STPG2: variants seen among roughly 807,000 people sequenced by gnomAD.
STPG2 encodes the protein sperm-tail PG-rich repeat-containing protein 2.
STPG2 carries 56 observed loss-of-function variants against 54.2 expected under a neutral mutation model. That is an observed-to-expected ratio of 1.03 (90% CI 0.83 to 1.29). STPG2 has a LOEUF of 1.29. STPG2 is among the 50% of genes most tolerant of loss of function. The probability of loss-of-function intolerance (pLI) is 0.00; values close to 1 mark genes in which losing one functional copy is unlikely to be tolerated. For missense variants in STPG2, 596 were observed against 544.9 expected (o/e 1.09, Z -0.93); for synonymous variants, 200 against 181.8 (o/e 1.10, Z -0.81).
chr4:97,876,132 G>T (rs575689860), intron 8 of STPG2, among the ~76,000 whole-genome samples: 1 of 152,106 alleles, frequency 6.6e-6, no homozygotes, highest in Non-Finnish European at 1.5e-5. Context: ...ATGCTAAAAA[G>T]TCTGTCTTCC....
intron 9 of STPG2, among the ~76,000 whole-genome samples, chr4:97,733,881 G>C (rs1408625100): frequency 2.0e-5 from 3 of 152,164 alleles, no homozygotes; most frequent in Non-Finnish European, 4.4e-5. Flanking sequence ...CTCTCAGTGG[G>C]AGAGGCAGTT....
chr4:97,500,803 T>G lies in STPG2; in HGVS notation c.462+211896A>C, dbSNP rs572412778. Among the ~76,000 whole-genome samples, 203 of 152,136 alleles carry G rather than the reference T, an allele frequency of 1.3e-3. 1 individual carries two copies. The highest frequency in any genetic ancestry group is 4.7e-3 in the African/African-American group (195 of 41,548). On this transcript the variant is annotated intron_variant, in intron 4 of 4. Coordinates refer to the STPG2 transcript ENST00000522676. ...GCCACACGGTGATTACTGTTGGCCA[T>G]GACAAGAGTGGTTTCTATGTAACGT... is the stretch of plus-strand genomic sequence containing the variant.
At chr4:97,590,638 G>GACACACACACACACACACAC (rs5860506) in intron 10 of STPG2, among the ~76,000 whole-genome samples, 2 of 138,620 alleles carry the variant, frequency 1.4e-5, no homozygotes, top group East Asian at 4.4e-4. Flanking sequence ...CAGACACACA[G>GACACACACACACACACACAC]ACACACACAC....
At chr4:97,880,920 CTTTG>C (rs1730345630) in intron 8 of STPG2, among the ~76,000 whole-genome samples, 1 of 151,894 alleles carries the variant, frequency 6.6e-6, no homozygotes, top group South Asian at 2.1e-4. Flanking sequence ...TTCAAATATT[CTTTG>C]TTATTGCTGC....
intron 8 of STPG2, among the ~76,000 whole-genome samples, chr4:97,857,713 C>T (rs1173962250): frequency 6.6e-6 from 1 of 151,606 alleles, no homozygotes; most frequent in Non-Finnish European, 1.5e-5. Context: ...AGAGACCAAT[C>T]CCGGAAAAAC....
At chr4:97,990,942 G>A (rs1050035209) in intron 5 of STPG2, among the ~76,000 whole-genome samples, 2 of 151,902 alleles carry the variant, frequency 1.3e-5, no homozygotes, top group Non-Finnish European at 2.9e-5. Context: ...TAGGTTTTTG[G>A]GAAACAGATG....
chr4:97,660,562 T>G (rs1051756475), intron 10 of STPG2, among the ~76,000 whole-genome samples: 1 of 152,246 alleles, frequency 6.6e-6, no homozygotes, highest in Non-Finnish European at 1.5e-5. Context: ...AACTCTTTAC[T>G]GAAATATGAC....
At chr4:97,970,026 G>A (rs1734266724) in intron 7 of STPG2, among the ~76,000 whole-genome samples, 2 of 152,166 alleles carry the variant, frequency 1.3e-5, no homozygotes, top group African/African-American at 4.8e-5. Context: ...CAGACAAACA[G>A]AGAGCCCAAT....
chr4:98,053,438 T>C (rs1737386168), intron 5 of STPG2, among the ~76,000 whole-genome samples: 1 of 152,134 alleles, frequency 6.6e-6, no homozygotes, highest in East Asian at 1.9e-4. Context: ...CTGGATTCTA[T>C]AGACACTTCC....
chr4:97,586,697 C>T (rs986504572), intron 10 of STPG2, among the ~76,000 whole-genome samples: 1 of 151,812 alleles, frequency 6.6e-6, no homozygotes, highest in South Asian at 2.1e-4. Context: ...AAGGAAAACA[C>T]CATCAACATG....
chr4:98,116,369 A>G (rs1739526604), intron 3 of STPG2, among the ~76,000 whole-genome samples: 1 of 151,926 alleles, frequency 6.6e-6, no homozygotes, highest in Non-Finnish European at 1.5e-5. Flanking sequence ...ACTTATTCCA[A>G]TATGTTAGAC....
chr4:97,709,271 C>A (rs1375007110), intron 10 of STPG2, among the ~76,000 whole-genome samples: 1 of 151,464 alleles, frequency 6.6e-6, no homozygotes, highest in Non-Finnish European at 1.5e-5. Context: ...TAGTAATAAA[C>A]AATAAGAATC....
chr4:97,734,972 C>T (rs930489302), intron 9 of STPG2, among the ~76,000 whole-genome samples: 4 of 151,588 alleles, frequency 2.6e-5, no homozygotes, highest in Non-Finnish European at 5.9e-5. Flanking sequence ...ACTCAGGAGG[C>T]TGAGGCAGGA....
chr4:97,890,005 G>A (rs969878832), intron 8 of STPG2, among the ~76,000 whole-genome samples: 3 of 152,024 alleles, frequency 2.0e-5, no homozygotes, highest in African/African-American at 4.8e-5. Context: ...AAGATAAAAG[G>A]AAAATTAAAG....
At chr4:98,047,170 C>G (rs1367083544) in intron 5 of STPG2, among the ~76,000 whole-genome samples, 1 of 152,142 alleles carries the variant, frequency 6.6e-6, no homozygotes, top group Non-Finnish European at 1.5e-5. Flanking sequence ...AGGGAACTCC[C>G]AAATGCCAAG....
intron 5 of STPG2, among the ~76,000 whole-genome samples, chr4:98,076,114 G>C (rs1472777133): frequency 6.6e-6 from 1 of 151,896 alleles, no homozygotes; most frequent in East Asian, 1.9e-4. Flanking sequence ...CGTGGTGGCG[G>C]GCGCCTGTAG....
At chr4:97,867,197 T>C (rs1440506838) in intron 8 of STPG2, among the ~76,000 whole-genome samples, 1 of 152,022 alleles carries the variant, frequency 6.6e-6, no homozygotes, top group African/African-American at 2.4e-5. Context: ...TCCTCAACTG[T>C]TGATAATCTT....
At chr4:97,762,053 T>C (rs1445851537) in intron 9 of STPG2, among the ~76,000 whole-genome samples, 1 of 152,120 alleles carries the variant, frequency 6.6e-6, no homozygotes, top group Non-Finnish European at 1.5e-5. Context: ...TGTCCTTGAG[T>C]TTTCAGAAAG....
rs2149232147 is a variant in STPG2 at position 97,943,760 on chromosome 4, A to G, written c.1044+137T>C. The G allele has an allele frequency of 3.6e-5, 20 of 551,004 alleles. 1 individual carries two copies. In the South Asian group the frequency reaches 4.7e-4, roughly 13 times the overall value. 34.1% of individuals were successfully genotyped at this position (551,004 alleles called of 1,614,324 possible). A position where few individuals can be genotyped will look rare whatever the true frequency, so the allele number is the denominator to read the frequency against. On this transcript the variant is annotated intron_variant, in intron 8 of 10. Coordinates refer to ENST00000295268, the MANE Select transcript of STPG2 (RefSeq NM_174952.3). ...GAATTTTGTTGAACTTTAAAAATAT[A>G]AAAGTATCGGTCTAGCCAAGGAGGT...
Sources: allele counts gnomAD v4.1 joint callset (sites outside exome capture counted in the v4.1 genomes callset), GRCh38; gene constraint gnomAD v4.1.1; transcripts MANE v1.5; gene names NCBI Gene and HGNC (gene_info 2026-07-23, HGNC 2026-07-21).